The following TSPAN18 variants were observed in gnomAD, a reference collection of about 807,000 sequenced individuals.
The protein encoded by TSPAN18 is tetraspanin 18, also known as tetraspanin-18.
TSPAN18 carries 14 observed loss-of-function variants against 27.3 expected under a neutral mutation model. That is an observed-to-expected ratio of 0.51 (90% CI 0.34 to 0.80). The LOEUF is 0.80. Among genes scored for constraint, TSPAN18 ranks in the 30% least tolerant of loss-of-function variants. The pLI is 0.01. For synonymous variants in TSPAN18, 143 were observed against 136.5 expected (o/e 1.05, Z -0.33); for missense variants, 268 against 323.9 (o/e 0.83, Z 1.32).
At chr11:44,858,713 G>T (rs539150055) in intron 2 of TSPAN18, among the ~76,000 whole-genome samples, 1 of 152,208 alleles carries the variant, frequency 6.6e-6, no homozygotes, top group African/African-American at 2.4e-5. Flanking sequence ...CCCCAGATGA[G>T]CTTGTGTGTG....
At chr11:44,735,189 G>C (rs907320473) in intron 1 of TSPAN18, among the ~76,000 whole-genome samples, 8 of 152,236 alleles carry the variant, frequency 5.3e-5, no homozygotes, top group Admixed American at 5.2e-4. Flanking sequence ...GCCAGGGAAG[G>C]CTGTGACTGT....
intron 2 of TSPAN18, among the ~76,000 whole-genome samples, chr11:44,851,315 C>T (rs867934487): frequency 2.0e-5 from 3 of 152,188 alleles, no homozygotes; most frequent in South Asian, 2.1e-4. Flanking sequence ...CACTTCCTAG[C>T]GGGGCTAGCC....
chr11:44,862,191 G>C (rs1310748350), intron 3 of TSPAN18, among the ~76,000 whole-genome samples: 1 of 152,230 alleles, frequency 6.6e-6, no homozygotes, highest in East Asian at 1.9e-4. Flanking sequence ...CCGTCTCTGG[G>C]GGCACGAGGG....
intron 2 of TSPAN18, among the ~76,000 whole-genome samples, chr11:44,853,615 C>G (rs1328698995): frequency 6.6e-6 from 1 of 152,198 alleles, no homozygotes; most frequent in Non-Finnish European, 1.5e-5. Context: ...AGAGATTACC[C>G]AGCCAATAAC....
chr11:44,843,382 T>A (rs1431975774), intron 2 of TSPAN18, among the ~76,000 whole-genome samples: 2 of 152,084 alleles, frequency 1.3e-5, no homozygotes, highest in African/African-American at 4.8e-5. Context: ...TAGGTGTGGG[T>A]CACAGACATC....
chr11:44,766,409 G>A (rs1430220407), intron 2 of TSPAN18, among the ~76,000 whole-genome samples: 1 of 152,194 alleles, frequency 6.6e-6, no homozygotes, highest in Non-Finnish European at 1.5e-5. Flanking sequence ...CAGCTGCCCT[G>A]ATCCCCACAG....
chr11:44,805,832 A>G (rs1856580108), intron 2 of TSPAN18, among the ~76,000 whole-genome samples: 1 of 151,524 alleles, frequency 6.6e-6, no homozygotes, highest in Non-Finnish European at 1.5e-5. Flanking sequence ...TAGACGCATC[A>G]CTCTCATGAC....
At chr11:44,742,351 T>C (rs1854963529) in intron 1 of TSPAN18, among the ~76,000 whole-genome samples, 1 of 131,210 alleles carries the variant, frequency 7.6e-6, no homozygotes, top group Non-Finnish European at 1.6e-5. Context: ...CCTCCCTCCC[T>C]CCTTCCTTCC....
intron 3 of TSPAN18, among the ~76,000 whole-genome samples, chr11:44,868,054 T>C (rs1316612635): frequency 6.6e-6 from 1 of 152,090 alleles, no homozygotes; most frequent in Non-Finnish European, 1.5e-5. Flanking sequence ...CTCCAGCTGG[T>C]GACAGGCTGG....
At chr11:44,728,110 C>T (rs1385608867) in intron 1 of TSPAN18, among the ~76,000 whole-genome samples, 1 of 152,218 alleles carries the variant, frequency 6.6e-6, no homozygotes, top group Admixed American at 6.5e-5. Context: ...CACAGACACC[C>T]AACTTACGCG....
chr11:44,865,664 G>A (rs1858016688), intron 3 of TSPAN18, among the ~76,000 whole-genome samples: 1 of 152,184 alleles, frequency 6.6e-6, no homozygotes, highest in Admixed American at 6.5e-5. Context: ...GGTTCTTCAA[G>A]ACTAGAACTT....
At chr11:44,834,645 A>C (rs551978128) in intron 2 of TSPAN18, among the ~76,000 whole-genome samples, 1 of 152,256 alleles carries the variant, frequency 6.6e-6, no homozygotes, top group African/African-American at 2.4e-5. Flanking sequence ...CACCAGGCTG[A>C]TGTGGGTTCA....
intron 8 of TSPAN18, chr11:44,926,462 G>A (rs529967591): frequency 2.1e-5 from 12 of 563,582 alleles, no homozygotes; most frequent in African/African-American, 1.1e-4. Context: ...CTTAGGGGCC[G>A]GGTGGCAAAG....
chr11:44,748,328 G>A (rs189129842), intron 1 of TSPAN18, among the ~76,000 whole-genome samples: 10 of 152,090 alleles, frequency 6.6e-5, no homozygotes, highest in Admixed American at 6.5e-4. Flanking sequence ...AACCCCAGAG[G>A]CGGCGGTTGC....
intron 3 of TSPAN18, chr11:44,903,337 G>T: frequency 2.3e-6 from 1 of 440,352 alleles, no homozygotes. Flanking sequence ...GAGGCACCAA[G>T]TAAGCGTCAG....
At chr11:44,871,897 A>G (rs1003154879) in intron 3 of TSPAN18, among the ~76,000 whole-genome samples, 2 of 152,130 alleles carry the variant, frequency 1.3e-5, no homozygotes, top group Non-Finnish European at 2.9e-5. Flanking sequence ...GCACAGAGAC[A>G]AAGCAAGAGA....
rs1325600426 is a variant in TSPAN18, at chr11:44,919,273, A to C, written c.393A>C (p.Thr131=). ...LTKHYQGNND[T]DVFSATWNSV... ...AGCACTACCAGGGCAATAACGACAC[A>C]GACGTCTTCTCTGCCACCTGGAACT... Residue 131 remains threonine (T), a synonymous_variant, in exon 7 of 10, where the codon ACA becomes ACC. Coordinates refer to ENST00000520358, the MANE Select transcript of TSPAN18 (RefSeq NM_130783.5). 1 of 1,614,016 alleles carries C rather than the reference A, an allele frequency of 6.2e-7. No individual in the cohort carries two copies. The highest frequency in any genetic ancestry group is 8.5e-7 in the Non-Finnish European group (1 of 1,180,008).
At chr11:44,893,609 G>A (rs1248545375) in intron 3 of TSPAN18, among the ~76,000 whole-genome samples, 1 of 152,176 alleles carries the variant, frequency 6.6e-6, no homozygotes, top group Non-Finnish European at 1.5e-5. Context: ...AAAAGATGTG[G>A]GTTTGCAGTC....
At chr11:44,736,755 G>A (rs1028529951) in intron 1 of TSPAN18, 2 of 152,184 alleles carry the variant, frequency 1.3e-5, no homozygotes, top group Non-Finnish European at 2.9e-5. Flanking sequence ...TGAACACAGC[G>A]CCTGGGTTCA....
Sources: gnomAD v4.1 joint callset for allele counts (sites outside exome capture counted in the v4.1 genomes callset) on GRCh38, gnomAD v4.1.1 for gene constraint, MANE v1.5 for transcripts, NCBI Gene and HGNC (gene_info 2026-07-23, HGNC 2026-07-21) for gene names.